The following CATSPERQ variants were observed in gnomAD, a reference collection of about 807,000 sequenced individuals.
CATSPERQ encodes the protein cation channel sperm-associated auxiliary subunit theta.
the CATSPERQ span, chr8:144,354,671 C>T: frequency 2.8e-5 from 43 of 1,535,228 alleles, no homozygotes; most frequent in Non-Finnish European, 3.7e-5. The surrounding 1 kb of genome is among the most constrained non-coding windows in gnomAD (Gnocchi z 4.6). Flanking sequence ...AGGCGTCTGG[C>T]CAGGTGGCGC....
At chr8:144,354,591 C>T in the CATSPERQ span, 1 of 1,406,618 alleles carries the variant, frequency 7.1e-7, no homozygotes, top group Non-Finnish European at 9.5e-7. This position sits in a 1 kb window ranked among gnomAD's most constrained non-coding sequence, Gnocchi z 4.6. Flanking sequence ...CCCGCCCCGC[C>T]CCGCCCCGCC....
chr8:144,354,557 C>CT, the CATSPERQ span: 7 of 751,322 alleles, frequency 9.3e-6, no homozygotes, highest in Admixed American at 8.6e-5. The surrounding 1 kb of genome is among the most constrained non-coding windows in gnomAD (Gnocchi z 4.6). Flanking sequence ...CGTCTCCCTC[C>CT]TCCCCCGCCC....
the CATSPERQ span, chr8:144,354,878 A>T: frequency 6.9e-7 from 1 of 1,442,346 alleles, no homozygotes; most frequent in Non-Finnish European, 9.1e-7. The surrounding 1 kb of genome is among the most constrained non-coding windows in gnomAD (Gnocchi z 4.6). Context: ...CAGGCCCAGG[A>T]AGGAGCAGGA....
the CATSPERQ span, chr8:144,354,491 C>T: frequency 1.1e-5 from 15 of 1,361,732 alleles, no homozygotes; most frequent in Non-Finnish European, 1.4e-5. The surrounding 1 kb of genome is among the most constrained non-coding windows in gnomAD (Gnocchi z 4.6). Flanking sequence ...CGGCCCCACC[C>T]AGGGCCCTGG....
chr8:144,354,251 T>C, the CATSPERQ span: 8 of 1,540,334 alleles, frequency 5.2e-6, no homozygotes, highest in Non-Finnish European at 7.0e-6. The surrounding 1 kb of genome is among the most constrained non-coding windows in gnomAD (Gnocchi z 4.6). Flanking sequence ...CTCAGGGAGC[T>C]GAAGCTGACC....
the CATSPERQ span, chr8:144,353,782 T>C: frequency 7.8e-6 from 12 of 1,535,302 alleles, no homozygotes; most frequent in African/African-American, 1.6e-4. Flanking sequence ...ACCCACCTCG[T>C]AGTGCTCCGA....
At chr8:144,353,953 CCATCGGAGCT>C in the CATSPERQ span, 1 of 1,530,712 alleles carries the variant, frequency 6.5e-7, no homozygotes, top group Admixed American at 2.0e-5. Context: ...CGGCCCGTTA[CCATCGGAGCT>C]GAGCGCCAGG....
chr8:144,353,409 A>ACAGTGCCAGCGC, the CATSPERQ span: 26 of 1,535,822 alleles, frequency 1.7e-5, no homozygotes, highest in African/African-American at 3.4e-4. Flanking sequence ...CTTGCCCATC[A>ACAGTGCCAGCGC]CAGTGCCAGC....
the CATSPERQ span, chr8:144,353,742 T>G: frequency 6.5e-7 from 1 of 1,533,652 alleles, no homozygotes; most frequent in Non-Finnish European, 8.7e-7. Flanking sequence ...GGTGTCATCG[T>G]GTCCTGAGGA....
chr8:144,353,375 G>A, the CATSPERQ span: 19 of 1,535,048 alleles, frequency 1.2e-5, no homozygotes, highest in Non-Finnish European at 1.3e-5. Context: ...ACTGAGAGGA[G>A]CTGGGCTTGT....
the CATSPERQ span, chr8:144,354,431 C>T: frequency 3.0e-6 from 4 of 1,347,894 alleles, no homozygotes; most frequent in Non-Finnish European, 3.9e-6. The surrounding 1 kb of genome is among the most constrained non-coding windows in gnomAD (Gnocchi z 4.6). Context: ...GCGCAGGGCT[C>T]GCGGAGGCGA....
chr8:144,354,015 G>T, the CATSPERQ span: 15 of 1,535,488 alleles, frequency 9.8e-6, no homozygotes, highest in Non-Finnish European at 1.2e-5. The surrounding 1 kb of genome is among the most constrained non-coding windows in gnomAD (Gnocchi z 4.6). Context: ...ACACGGTGCG[G>T]CCCTGGATGG....
the CATSPERQ span, chr8:144,353,264 A>T: frequency 7.1e-7 from 1 of 1,417,836 alleles, no homozygotes; most frequent in Non-Finnish European, 9.3e-7. Context: ...AAGGCCAGTG[A>T]GTGGGACTCA....
chr8:144,353,404 C>G, the CATSPERQ span: 1 of 1,535,734 alleles, frequency 6.5e-7, no homozygotes, highest in East Asian at 2.4e-5. Flanking sequence ...GGGCTCTTGC[C>G]CATCACAGTG....
chr8:144,354,586 C>T, the CATSPERQ span: 3 of 1,112,808 alleles, frequency 2.7e-6, no homozygotes, highest in East Asian at 3.0e-5. The surrounding 1 kb of genome is among the most constrained non-coding windows in gnomAD (Gnocchi z 4.6). Flanking sequence ...CCAGCCCCGC[C>T]CCGCCCCGCC....
chr8:144,354,657 C>G, the CATSPERQ span: 1 of 1,532,072 alleles, frequency 6.5e-7, no homozygotes, highest in Non-Finnish European at 8.7e-7. This position sits in a 1 kb window ranked among gnomAD's most constrained non-coding sequence, Gnocchi z 4.6. Context: ...AGCTATTGTT[C>G]TTGAGGCGTC....
the CATSPERQ span, chr8:144,353,689 T>C: frequency 1.0e-5 from 15 of 1,501,472 alleles, no homozygotes; most frequent in Non-Finnish European, 1.3e-5. Flanking sequence ...ATTTACCCTC[T>C]GCGTGCGGAA....
the CATSPERQ span, chr8:144,354,218 C>T: frequency 3.9e-6 from 6 of 1,546,638 alleles, no homozygotes; most frequent in East Asian, 4.8e-5. The surrounding 1 kb of genome is among the most constrained non-coding windows in gnomAD (Gnocchi z 4.6). Flanking sequence ...CGGTGGGGGT[C>T]GGGCCCAGGG....
the CATSPERQ span, chr8:144,353,554 G>A: frequency 6.6e-7 from 1 of 1,523,252 alleles, no homozygotes; most frequent in Non-Finnish European, 8.8e-7. Flanking sequence ...CGCTCAACTG[G>A]GGCCGGGACA....
Sources: allele counts gnomAD v4.1 joint callset, GRCh38; gene constraint gnomAD v4.1.1; non-coding constraint Gnocchi (gnomAD v3.1); transcripts MANE v1.5; gene names NCBI Gene and HGNC (gene_info 2026-07-23, HGNC 2026-07-21).